Variants in PHF21A observed in about 807,000 individuals in gnomAD.
PHF21A encodes the protein PHD finger protein 21A.
In PHF21A, 11 loss-of-function variants were observed where a neutral mutation model predicts 82.5. The observed-to-expected ratio is 0.13, with a 90% CI of 0.08 to 0.22. The LOEUF (loss-of-function observed/expected upper bound fraction) is 0.22, where lower values mean the gene tolerates loss of function less well. Ranked by LOEUF, PHF21A falls within the 10% of genes least tolerant of loss-of-function variation. The pLI is 1.00. For synonymous variants in PHF21A, 297 were observed against 302.8 expected, an observed-to-expected ratio of 0.98 and a Z score of 0.20; for missense variants, 579 against 837.8, an observed-to-expected ratio of 0.69 and a Z score of 3.81.
rs1435506049 is a variant in PHF21A at position 46,063,457 on chromosome 11, GCAGT to G, written c.153+13293_153+13296del. The stretch of plus-strand genomic sequence containing the variant: ...TTAACTCTGTCATTGTGGCACAAAA[GCAGT>G]CAGTCATAGAGAATATGTAAATGTA... On this transcript the variant is annotated intron_variant, in intron 6 of 18. Coordinates refer to ENST00000676320, the MANE Select transcript of PHF21A (RefSeq NM_001352027.3). 2.0e-5 allele frequency among the ~76,000 whole-genome samples: 3 copies of G among 152,328 alleles called. No homozygotes were observed. The East Asian group carries it at 5.8e-4, about 29-fold the overall frequency.
intron 10 of PHF21A, among the ~76,000 whole-genome samples, chr11:45,956,510 C>A (rs1377752595): frequency 6.6e-6 from 1 of 151,892 alleles, no homozygotes; most frequent in Non-Finnish European, 1.5e-5. Flanking sequence ...GGGTACAGTG[C>A]AGGTTTGTTA....
chr11:45,946,303 G>A (rs1031635253), intron 14 of PHF21A, among the ~76,000 whole-genome samples: 8 of 152,170 alleles, frequency 5.3e-5, no homozygotes, highest in African/African-American at 1.7e-4. Context: ...TGAAGTTCCT[G>A]GACTATTGCA....
chr11:46,027,069 T>C (rs2095761097), intron 6 of PHF21A: 1 of 152,152 alleles, frequency 6.6e-6, no homozygotes, highest in African/African-American at 2.4e-5. Flanking sequence ...ATCATTCCTA[T>C]CTGATGTGTG....
chr11:46,035,669 A>G (rs1041285977), intron 6 of PHF21A, among the ~76,000 whole-genome samples: 1 of 152,332 alleles, frequency 6.6e-6, no homozygotes, highest in Middle Eastern at 3.4e-3. Context: ...CTCTAGGAAG[A>G]AGTAGTTTTA....
chr11:46,041,547 T>C (rs905859072), intron 6 of PHF21A, among the ~76,000 whole-genome samples: 1 of 152,190 alleles, frequency 6.6e-6, no homozygotes, highest in Admixed American at 6.6e-5. Context: ...AACCTGCTTC[T>C]TTCTGGGGTA....
At chr11:46,028,212 T>G (rs1001769986) in intron 6 of PHF21A, among the ~76,000 whole-genome samples, 1 of 152,178 alleles carries the variant, frequency 6.6e-6, no homozygotes, top group Non-Finnish European at 1.5e-5. Context: ...GAGTTTGGTG[T>G]CAGGATGCAA....
At chr11:46,106,564 G>A (rs1010093756) in intron 1 of PHF21A, among the ~76,000 whole-genome samples, 1 of 152,160 alleles carries the variant, frequency 6.6e-6, no homozygotes. Flanking sequence ...GAGATATGAT[G>A]ATTTCAATAA....
At chr11:46,080,479 T>A (rs1287868623) in intron 4 of PHF21A, among the ~76,000 whole-genome samples, 1 of 151,826 alleles carries the variant, frequency 6.6e-6, no homozygotes, top group South Asian at 2.1e-4. Flanking sequence ...AGAAAAAAAA[T>A]TTAAAAATCA....
intron 10 of PHF21A, among the ~76,000 whole-genome samples, chr11:45,958,449 T>TACACACACAC (rs60775450): frequency 0.026 from 387 of 14,996 alleles, 27 homozygotes; most frequent in South Asian, 0.058. Flanking sequence ...TATATATATA[T>TACACACACAC]ACACACACAC....
At chr11:46,085,471 C>A (rs2096845829) in intron 3 of PHF21A, among the ~76,000 whole-genome samples, 2 of 152,078 alleles carry the variant, frequency 1.3e-5, no homozygotes, top group Admixed American at 6.5e-5. Flanking sequence ...TTGTTGTTTT[C>A]TTTTCTTGAA....
chr11:46,074,897 A>T (rs1262289332), intron 6 of PHF21A, among the ~76,000 whole-genome samples: 1 of 152,250 alleles, frequency 6.6e-6, no homozygotes, highest in Non-Finnish European at 1.5e-5. Context: ...GCTTCCTTCA[A>T]GTATTAGCCT....
At chr11:46,012,497 G>T (rs2095432285) in intron 6 of PHF21A, among the ~76,000 whole-genome samples, 1 of 152,140 alleles carries the variant, frequency 6.6e-6, no homozygotes, top group South Asian at 2.1e-4. Flanking sequence ...ACAGAATTCT[G>T]GCCCTCATCA....
chr11:46,041,122 T>C lies in PHF21A; in HGVS notation c.153+35632A>G, dbSNP rs539600629. Among the ~76,000 whole-genome samples the C allele has an allele frequency of 7.9e-5, 12 of 152,242 alleles. No individual in the cohort carries two copies. The East Asian group carries it at 1.2e-3, about 15-fold the overall frequency. On this transcript the variant is annotated intron_variant, in intron 6 of 18. Transcript: ENST00000676320. ...TTCTTTCTCTTTTTTTAAACATGTA[T>C]AAAAATCCACCTTCTTATTCTCTCT...
chr11:46,022,082 G>C (rs1336312433), intron 6 of PHF21A, among the ~76,000 whole-genome samples: 3 of 152,128 alleles, frequency 2.0e-5, no homozygotes, highest in Admixed American at 6.6e-5. Flanking sequence ...TGACATAAAA[G>C]AACTAAAAAT....
At chr11:46,064,652 G>T (rs1025590197) in intron 6 of PHF21A, among the ~76,000 whole-genome samples, 5 of 152,138 alleles carry the variant, frequency 3.3e-5, no homozygotes, top group East Asian at 3.8e-4. Context: ...GGGAAAAAAA[G>T]AAGTGAAGGA....
Position 45,932,192 on chromosome 11 carries a change from C to A in PHF21A, c.*1776G>T, listed in dbSNP as rs1289465126. On this transcript the variant is annotated 3_prime_UTR_variant, in exon 19 of 19. Transcript: ENST00000676320. This position sits in a 1 kb window ranked among gnomAD's most constrained non-coding sequence, Gnocchi z 4.3. ...TCCTGTCACGGCCAGGGTGCGTGCG[C>A]ACCACAGAGCTCCGCTGGCCAGTTC... The A allele has an allele frequency of 1.3e-5, 2 of 152,310 alleles. No individual in the cohort carries two copies. Among genetic ancestry groups the A allele is most frequent in the Non-Finnish European group, 2.9e-5 (2 of 68,084 alleles). The allele number at this position is 152,310 out of a possible 1,614,324, so 9.4% of individuals were successfully genotyped here. A position where few individuals can be genotyped will look rare whatever the true frequency, so the allele number is the denominator to read the frequency against.
Position 45,988,233 on chromosome 11 carries a change from T to C in PHF21A, c.154-8267A>G, listed in dbSNP as rs182113813. 3.9e-5 allele frequency among the ~76,000 whole-genome samples: 6 copies of C among 152,280 alleles called. No homozygotes were observed. The East Asian group carries it at 1.2e-3, about 29-fold the overall frequency. On this transcript the variant is annotated intron_variant, in intron 6 of 18. Transcript: ENST00000676320. ...GAAGAGGTAAATATAACAGATTATTTAACCAAATTCTATGCAGAATACATC... is the reference window on the plus strand; with the variant it reads ...GAAGAGGTAAATATAACAGATTATTCAACCAAATTCTATGCAGAATACATC...
chr11:46,070,219 T>C (rs2096640297), intron 6 of PHF21A, among the ~76,000 whole-genome samples: 1 of 152,156 alleles, frequency 6.6e-6, no homozygotes, highest in Non-Finnish European at 1.5e-5. Context: ...TGTATTAAAA[T>C]ATATTCAAAT....
chr11:45,977,280 G>GTA (rs2094076576), intron 7 of PHF21A, among the ~76,000 whole-genome samples: 1 of 151,922 alleles, frequency 6.6e-6, no homozygotes. Context: ...GGGATTACAG[G>GTA]TATATGTTAC....
Sources: gnomAD v4.1 joint callset for allele counts (sites outside exome capture counted in the v4.1 genomes callset) on GRCh38, gnomAD v4.1.1 for gene constraint, Gnocchi (gnomAD v3.1) non-coding constraint, MANE v1.5 for transcripts, NCBI Gene and HGNC (gene_info 2026-07-23, HGNC 2026-07-21) for gene names.